The following CPSF4 variants were observed in gnomAD, a reference collection of about 807,000 sequenced individuals.
The protein encoded by CPSF4 is cleavage and polyadenylation specificity factor subunit 4.
A neutral mutation model predicts 37.7 loss-of-function variants in CPSF4; 11 were observed. The observed-to-expected ratio is 0.29, with a 90% CI of 0.18 to 0.48. CPSF4 has a LOEUF of 0.48. Ranked by LOEUF, CPSF4 falls within the 20% of genes least tolerant of loss-of-function variation. The probability of loss-of-function intolerance (pLI) is 0.99; values close to 1 mark genes in which losing one functional copy is unlikely to be tolerated. For missense variants in CPSF4, 144 were observed against 359.5 expected (o/e 0.40, Z 4.85); for synonymous variants, 132 against 135.9 (o/e 0.97, Z 0.20).
chr7:99,447,790 C>T (rs1477451443), intron 2 of CPSF4: 3 of 456,764 alleles, frequency 6.6e-6, no homozygotes, highest in East Asian at 6.6e-5. Context: ...AGGATTTCAC[C>T]GTGACAGCCA....
chr7:99,443,038 T>G lies in CPSF4; in HGVS notation c.104-1751T>G, dbSNP rs878943980. The G allele has an allele frequency of 2.0e-5, 24 of 1,218,156 alleles. No homozygotes were observed. The South Asian group carries it at 2.8e-4, about 14-fold the overall frequency. The allele number at this position is 1,218,156 out of a possible 1,614,324, so 75.5% of individuals were successfully genotyped here. ...GACTTTCTGGAAATTGAAGAGACAT[T>G]CAAACCAAATCTTTGAGCTCTTTCC... On this transcript the variant is annotated intron_variant, in intron 1 of 7. Coordinates refer to ENST00000292476, the MANE Select transcript of CPSF4 (RefSeq NM_006693.4).
chr7:99,440,674 A>ATATATATTTT lies in CPSF4; in HGVS notation c.103+1490_103+1491insATATATTTTT. Among the ~76,000 whole-genome samples the ATATATATTTT allele has an allele frequency of 5.7e-4, 50 of 88,084 alleles. 1 individual carries two copies. The highest frequency in any genetic ancestry group is 5.0e-3 in the Middle Eastern group (1 of 202). 57.8% of individuals were successfully genotyped at this position (88,084 alleles called of 152,430 possible). On this transcript the variant is annotated intron_variant, in intron 1 of 7. Coordinates refer to ENST00000292476, the MANE Select transcript of CPSF4 (RefSeq NM_006693.4). ...ACCTGGCATATATATATATATATAT[A>ATATATATTTT]TTTTTTTTTTTTTTTTTTTCCTGCC...
chr7:99,440,287 A>C (rs1165785799), intron 1 of CPSF4, among the ~76,000 whole-genome samples: 4 of 151,912 alleles, frequency 2.6e-5, no homozygotes, highest in Non-Finnish European at 5.9e-5. Flanking sequence ...CACTCCCCTC[A>C]GGCGGTCACA....
At chr7:99,452,196 C>A (rs1331034397) in intron 5 of CPSF4, among the ~76,000 whole-genome samples, 172 bp from the exon 6 acceptor site, 1 of 152,210 alleles carries the variant, frequency 6.6e-6, no homozygotes, top group Non-Finnish European at 1.5e-5. Context: ...AGGAGCAGAG[C>A]TGAGTGCCAG....
chr7:99,444,960 T>G, intron 2 of CPSF4, 121 bp downstream of exon 2: 1 of 875,110 alleles, frequency 1.1e-6, no homozygotes, highest in Non-Finnish European at 1.8e-6. Flanking sequence ...TAACGATCTC[T>G]GTAGATAAAA....
intron 7 of CPSF4, 146 bp downstream of exon 7, chr7:99,454,282 T>C (rs748972240): frequency 1.3e-6 from 1 of 782,146 alleles, no homozygotes. Flanking sequence ...CTAGTTACCA[T>C]CCACTGTGGT....
At chr7:99,450,909 G>A in intron 5 of CPSF4, 114 bp downstream of exon 5, 5 of 725,974 alleles carry the variant, frequency 6.9e-6, no homozygotes, top group Non-Finnish European at 1.2e-5. Flanking sequence ...CAGTACCAGG[G>A]CCAAGGGTGG....
intron 7 of CPSF4, among the ~76,000 whole-genome samples, chr7:99,455,756 C>G (rs1489711283): frequency 6.6e-6 from 1 of 152,180 alleles, no homozygotes; most frequent in Non-Finnish European, 1.5e-5. Context: ...GAGGCAGGGT[C>G]AGGGCTGGAT....
At position 99,439,403 on chromosome 7, in the gene CPSF4, T is replaced by A. The variant is rs1584475797; in HGVS notation, c.103+218T>A. ...GGATCCTCCCCTTTAGTTACCGAAC[T>A]CCCTCATCTGTGGTCCCGAGACTCT... is the stretch of plus-strand genomic sequence containing the variant. On this transcript the variant is annotated intron_variant, in intron 1 of 7. Coordinates refer to ENST00000292476, the MANE Select transcript of CPSF4 (RefSeq NM_006693.4). The A allele has an allele frequency of 1.7e-5, 8 of 480,860 alleles. No homozygotes were observed. The East Asian group carries it at 2.8e-4, about 17-fold the overall frequency. 29.8% of individuals were successfully genotyped at this position (480,860 alleles called of 1,614,324 possible). A position where few individuals can be genotyped will look rare whatever the true frequency, so the allele number is the denominator to read the frequency against.
Position 99,446,619 on chromosome 7 carries a change from TA to T in CPSF4, c.155-1496del, listed in dbSNP as rs752415728. On this transcript the variant is annotated intron_variant, in intron 2 of 7. Transcript: ENST00000292476. The stretch of plus-strand genomic sequence containing the variant: ...TTGGTCTTTCCTTTTTTTTTTTTTT[TA>T]AAAAAGAGGCAGCATCTTACTCTGT... 1.4e-3 allele frequency among the ~76,000 whole-genome samples: 209 copies of T among 148,632 alleles called. 2 individuals are homozygous for T. The East Asian group carries it at 0.025, about 18-fold the overall frequency.
chr7:99,443,530 T>C (rs1014605455), intron 1 of CPSF4: 12 of 673,938 alleles, frequency 1.8e-5, no homozygotes, highest in African/African-American at 1.4e-4. Flanking sequence ...CTTTTAATAA[T>C]TGTATGTGGG....
Position 99,448,291 on chromosome 7 carries a change from C to T in CPSF4, c.307+18C>T, listed in dbSNP as rs1399304538. 1 of 1,613,274 alleles carries T rather than the reference C, an allele frequency of 6.2e-7. No individual in the cohort carries two copies. Among genetic ancestry groups the T allele is most frequent in the Non-Finnish European group, 8.5e-7 (1 of 1,179,664 alleles). On this transcript the variant is annotated intron_variant, in intron 3 of 7. Coordinates refer to ENST00000292476, the MANE Select transcript of CPSF4 (RefSeq NM_006693.4). This position sits in a 1 kb window ranked among gnomAD's most constrained non-coding sequence, Gnocchi z 4.4. Reference sequence around the variant, plus strand: ...CAAGTTCGGTAAGGCGCCTGGAGCCCTGGAGGCTCTGCTGAGAACCAGGGT... The same window carrying T: ...CAAGTTCGGTAAGGCGCCTGGAGCCTTGGAGGCTCTGCTGAGAACCAGGGT...
Position 99,453,919 on chromosome 7 carries a change from G to C in CPSF4, c.571-47G>C. 1 of 1,581,298 alleles carries C rather than the reference G, an allele frequency of 6.3e-7. No individual in the cohort carries two copies. The highest frequency in any genetic ancestry group is 1.1e-5 in the South Asian group (1 of 89,144). On this transcript the variant is annotated intron_variant, in intron 6 of 7. Coordinates refer to ENST00000292476, the MANE Select transcript of CPSF4 (RefSeq NM_006693.4). The surrounding 1 kb of genome is among the most constrained non-coding windows in gnomAD (Gnocchi z 4.7). ...TTTCCTGTCCCCATCGGTAGTCTGC[G>C]TGCACGTGTTTTCCACAGTAAAACC...
chr7:99,447,975 A>T, intron 2 of CPSF4, 146 bp from the exon 3 acceptor site: 1 of 690,704 alleles, frequency 1.4e-6, no homozygotes, highest in Admixed American at 2.4e-5. Flanking sequence ...GCCTTCTGTG[A>T]GGGGGACCTC....
Position 99,448,423 on chromosome 7 carries a change from C to T in CPSF4, c.307+150C>T. On this transcript the variant is annotated intron_variant, in intron 3 of 7. Transcript: ENST00000292476. The surrounding 1 kb of genome is among the most constrained non-coding windows in gnomAD (Gnocchi z 4.4). ...GGCAGAACCTGCCAGCCTCAGCCAG[C>T]TTTTAGGGGACAGTGTGGCTATTTT... 2 of 686,774 alleles carry T rather than the reference C, an allele frequency of 2.9e-6. No homozygotes were observed. Among genetic ancestry groups the T allele is most frequent in the South Asian group, 2.2e-5 (1 of 46,468 alleles). The allele number at this position is 686,774 out of a possible 1,614,324, so 42.5% of individuals were successfully genotyped here. A position where few individuals can be genotyped will look rare whatever the true frequency, so the allele number is the denominator to read the frequency against.
chr7:99,442,489 T>C (rs1260634352), intron 1 of CPSF4, among the ~76,000 whole-genome samples: 3 of 151,364 alleles, frequency 2.0e-5, no homozygotes, highest in Admixed American at 6.6e-5. Context: ...ACCCCGTCTC[T>C]ACTAAAAATA....
Position 99,448,400 on chromosome 7 carries a change from C to A in CPSF4, c.307+127C>A. ...TTCTATTCTCAGAGGAGAACTCTGG[C>A]AGAACCTGCCAGCCTCAGCCAGCTT... On this transcript the variant is annotated intron_variant, in intron 3 of 7. Transcript: ENST00000292476. The surrounding 1 kb of genome is among the most constrained non-coding windows in gnomAD (Gnocchi z 4.4). 1 of 989,162 alleles carries A rather than the reference C, an allele frequency of 1.0e-6. No homozygotes were observed. The allele number at this position is 989,162 out of a possible 1,614,324, so 61.3% of individuals were successfully genotyped here.
chr7:99,446,642 C>T (rs1300314659), intron 2 of CPSF4, among the ~76,000 whole-genome samples: 1 of 150,652 alleles, frequency 6.6e-6, no homozygotes, highest in Non-Finnish European at 1.5e-5. Context: ...GCATCTTACT[C>T]TGTCACCCAG....
intron 1 of CPSF4, chr7:99,443,150 A>G: frequency 1.3e-6 from 1 of 793,840 alleles, no homozygotes; most frequent in Non-Finnish European, 2.3e-6. Flanking sequence ...CTGCCTGAGC[A>G]GCTTTCTTAC....
Sources: gnomAD v4.1 joint callset for allele counts (sites outside exome capture counted in the v4.1 genomes callset) on GRCh38, gnomAD v4.1.1 for gene constraint, Gnocchi (gnomAD v3.1) non-coding constraint, MANE v1.5 for transcripts, NCBI Gene and HGNC (gene_info 2026-07-23, HGNC 2026-07-21) for gene names.